Variants in CELF2 observed in about 807,000 individuals in gnomAD.
CELF2 encodes the protein CUGBP Elav-like family member 2, also known as CUG triplet repeat RNA-binding protein 2.
Under a neutral mutation model 62.6 loss-of-function variants are expected in CELF2, and 8 were observed. The observed-to-expected ratio is 0.13, with a 90% CI of 0.07 to 0.23. The LOEUF is 0.23. CELF2 is among the 10% of genes least tolerant of loss of function. The probability of loss-of-function intolerance (pLI) is 1.00; values close to 1 mark genes in which losing one functional copy is unlikely to be tolerated. For missense variants in CELF2, 333 were observed against 671.0 expected (o/e 0.50, Z 5.56); for synonymous variants, 258 against 250.0 (o/e 1.03, Z -0.30).
intron 2 of CELF2, chr10:10,946,840 T>C (rs1231221376): frequency 6.6e-6 from 1 of 152,266 alleles, no homozygotes; most frequent in Non-Finnish European, 1.5e-5. Context: ...CATGCAGATT[T>C]GCTCCAGAGA....
intron 2 of CELF2, among the ~76,000 whole-genome samples, chr10:11,187,997 C>A (rs1165139477): frequency 6.6e-6 from 1 of 152,148 alleles, no homozygotes; most frequent in African/African-American, 2.4e-5. Context: ...TGAAGGACTT[C>A]TTTTAATATT....
intron 2 of CELF2, among the ~76,000 whole-genome samples, chr10:10,939,822 C>T (rs1212716174): frequency 2.6e-5 from 4 of 151,886 alleles, no homozygotes; most frequent in East Asian, 1.9e-4. Flanking sequence ...GGCTTGGTGG[C>T]GGATGCCTGT....
intron 9 of CELF2, among the ~76,000 whole-genome samples, chr10:11,312,712 G>C (rs2094633062): frequency 1.3e-5 from 2 of 152,218 alleles, no homozygotes; most frequent in South Asian, 4.1e-4. Context: ...GAGGCGGGCG[G>C]ATCACGAGGT....
chr10:10,843,097 C>T (rs1386971193), intron 1 of CELF2, among the ~76,000 whole-genome samples: 1 of 151,922 alleles, frequency 6.6e-6, no homozygotes, highest in Non-Finnish European at 1.5e-5. Flanking sequence ...CATAATATTT[C>T]TTTATTATCC....
At chr10:11,003,196 T>TA (rs2054693746), upstream of CELF2, among the ~76,000 whole-genome samples, 1 of 152,174 alleles carries the variant, frequency 6.6e-6, no homozygotes, top group Non-Finnish European at 1.5e-5. This position sits in a 1 kb window ranked among gnomAD's most constrained non-coding sequence, Gnocchi z 4.4. Flanking sequence ...ATCCGTAGAC[T>TA]AAAAAGGAAG....
At chr10:10,822,988 G>A (rs780060194) in intron 1 of CELF2, among the ~76,000 whole-genome samples, 19 of 152,044 alleles carry the variant, frequency 1.2e-4, no homozygotes, top group African/African-American at 4.3e-4. Flanking sequence ...ATCCAAAATC[G>A]ATTTTTTAGA....
At chr10:10,771,970 C>A in the CELF2 span, among the ~76,000 whole-genome samples, 1 of 152,136 alleles carries the variant, frequency 6.6e-6, no homozygotes, top group African/African-American at 2.4e-5. Flanking sequence ...AGTACATCAA[C>A]CTGCTATTTG....
At chr10:11,256,643 C>T (rs1161761582) in intron 4 of CELF2, among the ~76,000 whole-genome samples, 1 of 140,690 alleles carries the variant, frequency 7.1e-6, no homozygotes, top group Non-Finnish European at 1.5e-5. Flanking sequence ...GGACTTCTCC[C>T]CGTGGGTGTC....
chr10:10,687,106 G>A, the CELF2 span, among the ~76,000 whole-genome samples: 3 of 152,112 alleles, frequency 2.0e-5, no homozygotes, highest in South Asian at 2.1e-4. Flanking sequence ...CTGTGGTGCC[G>A]TTTTTTCATT....
At chr10:10,618,550 C>T in the CELF2 span, among the ~76,000 whole-genome samples, 1 of 152,100 alleles carries the variant, frequency 6.6e-6, no homozygotes, top group South Asian at 2.1e-4. Context: ...CCGACCATTC[C>T]TCATGGCAAC....
intron 1 of CELF2, among the ~76,000 whole-genome samples, chr10:10,805,831 T>C (rs954826012): frequency 6.6e-6 from 1 of 152,196 alleles, no homozygotes; most frequent in Admixed American, 6.5e-5. Context: ...CCATTTTCCA[T>C]TTGATCACCT....
intron 1 of CELF2, among the ~76,000 whole-genome samples, chr10:11,040,405 A>C (rs780542629): frequency 1.3e-5 from 2 of 152,250 alleles, no homozygotes; most frequent in African/African-American, 4.8e-5. Context: ...GCATCATATA[A>C]TAAAAGTAAC....
intron 1 of CELF2, among the ~76,000 whole-genome samples, chr10:11,047,806 T>A (rs1353643744): frequency 6.6e-6 from 1 of 152,226 alleles, no homozygotes; most frequent in Non-Finnish European, 1.5e-5. Flanking sequence ...TTTTCATTCT[T>A]ATGTTGCCTA....
intron 9 of CELF2, among the ~76,000 whole-genome samples, chr10:11,289,048 G>A (rs920724323): frequency 1.3e-5 from 2 of 152,120 alleles, no homozygotes; most frequent in African/African-American, 4.8e-5. Flanking sequence ...CAGGCTCTGG[G>A]GTGTGTCATT....
rs115553082 is a variant in CELF2 at position 10,861,704 on chromosome 10, C to T, written c.54-58260C>T. On this transcript the variant is annotated intron_variant, in intron 1 of 13. Transcript: ENST00000636488. ...TTGGATATTCCTGTTTTAGAAATCA[C>T]TTTAAAATTTTTTAAGTAAAAGTGT... Among the ~76,000 whole-genome samples, 1,181 of 152,182 alleles carry T rather than the reference C, an allele frequency of 7.8e-3. 15 individuals carry two copies. Among genetic ancestry groups the T allele is most frequent in the African/African-American group, 0.027 (1,121 of 41,528 alleles).
chr10:10,578,995 C>T, the CELF2 span, among the ~76,000 whole-genome samples: 3 of 152,122 alleles, frequency 2.0e-5, no homozygotes, highest in Non-Finnish European at 4.4e-5. Context: ...ACTCTATTTC[C>T]TGCTTTTGAA....
intron 3 of CELF2, among the ~76,000 whole-genome samples, chr10:11,236,496 C>A (rs942730092): frequency 3.3e-5 from 5 of 152,194 alleles, no homozygotes; most frequent in African/African-American, 1.2e-4. Flanking sequence ...CATCAAGTCA[C>A]TGTTTAACTT....
the CELF2 span, among the ~76,000 whole-genome samples, chr10:10,634,051 C>T: frequency 6.6e-6 from 1 of 151,886 alleles, no homozygotes; most frequent in East Asian, 1.9e-4. Flanking sequence ...CCTAGATTTT[C>T]CTGGAATTCT....
the CELF2 span, among the ~76,000 whole-genome samples, chr10:10,501,691 G>A: frequency 1.4e-4 from 21 of 152,094 alleles, no homozygotes; most frequent in South Asian, 3.3e-3. Flanking sequence ...GTTTTCCATA[G>A]CATTTTGTAT....
Sources: gnomAD v4.1 joint callset for allele counts (sites outside exome capture counted in the v4.1 genomes callset) on GRCh38, gnomAD v4.1.1 for gene constraint, Gnocchi (gnomAD v3.1) non-coding constraint, MANE v1.5 for transcripts, NCBI Gene and HGNC (gene_info 2026-07-23, HGNC 2026-07-21) for gene names.